The following CACNA2D3 variants were observed in gnomAD, a reference collection of about 807,000 sequenced individuals.
CACNA2D3 encodes calcium voltage-gated channel auxiliary subunit alpha2delta 3.
Under a neutral mutation model 160.6 loss-of-function variants are expected in CACNA2D3, and 60 were observed. The observed-to-expected ratio is 0.37, with a 90% confidence interval of 0.30 to 0.46. The LOEUF (loss-of-function observed/expected upper bound fraction) is 0.46. Ranked by LOEUF, CACNA2D3 falls within the 20% of genes least tolerant of loss-of-function variation. The pLI is 1.00. For missense variants in CACNA2D3, 1,205 were observed against 1,365.0 expected (o/e 0.88, Z 1.85); for synonymous variants, 558 against 492.9 (o/e 1.13, Z -1.75).
chr3:54,687,474 A>T (rs983424334), intron 11 of CACNA2D3, among the ~76,000 whole-genome samples: 8 of 151,686 alleles, frequency 5.3e-5, no homozygotes, highest in Non-Finnish European at 1.0e-4. Context: ...CTTGGGACAA[A>T]TTTTTCTAAG....
intron 35 of CACNA2D3, 81 bp from the exon 36 acceptor site, chr3:55,073,364 C>T: frequency 9.9e-7 from 1 of 1,005,842 alleles, no homozygotes. Context: ...GTAGTTGCTA[C>T]CACCCAGGAG....
chr3:54,325,735 G>A (rs998884494), intron 3 of CACNA2D3, among the ~76,000 whole-genome samples: 10 of 152,178 alleles, frequency 6.6e-5, no homozygotes, highest in Admixed American at 3.9e-4. Context: ...TTTGGGGAAT[G>A]TGAAGAGATA....
chr3:54,122,719 C>T lies in CACNA2D3; in HGVS notation c.6C>T (p.Ala2=). 2 of 1,194,512 alleles carry T rather than the reference C, an allele frequency of 1.7e-6. No individual in the cohort carries two copies. The highest frequency in any genetic ancestry group is 1.0e-6 in the Non-Finnish European group (1 of 963,896). 74.0% of individuals were successfully genotyped at this position (1,194,512 alleles called of 1,614,324 possible). A position where few individuals can be genotyped will look rare whatever the true frequency, so the allele number is the denominator to read the frequency against. The part of the protein sequence containing the change: M[A]GPGSPRRASR... The stretch of plus-strand genomic sequence containing the variant: ...CGCGTCGGAGGGAGCCCAGCATGGC[C>T]GGGCCGGGCTCGCCGCGCCGCGCGT... The change falls in exon 1 of 38, where the codon GCC becomes GCT. Residue 2 remains alanine (A), a synonymous_variant. Transcript: ENST00000474759.
intron 2 of CACNA2D3, among the ~76,000 whole-genome samples, chr3:54,215,617 C>A (rs748772752): frequency 1.3e-5 from 2 of 152,028 alleles, no homozygotes; most frequent in South Asian, 2.1e-4. Context: ...AAGTGAACGG[C>A]GATGTGAGGG....
At position 54,509,156 on chromosome 3, in the gene CACNA2D3, C is replaced by T. The variant is rs183353664; in HGVS notation, c.544+5502C>T. Among the ~76,000 whole-genome samples, 72 of 152,222 alleles carry T rather than the reference C, an allele frequency of 4.7e-4. 1 individual carries two copies. The highest frequency in any genetic ancestry group is 4.0e-3 in the Admixed American group (61 of 15,288). ...AAATTTAATCCATATGTTTCTGATT[C>T]GTTTACACGGAAATCATTAAAATAT... On this transcript the variant is annotated intron_variant, in intron 5 of 37. Transcript: ENST00000474759.
At chr3:54,489,075 G>T (rs1183272547) in intron 4 of CACNA2D3, among the ~76,000 whole-genome samples, 1 of 152,186 alleles carries the variant, frequency 6.6e-6, no homozygotes, top group Non-Finnish European at 1.5e-5. Context: ...GAGGCTGAAT[G>T]GAGGGAGCAG....
intron 3 of CACNA2D3, among the ~76,000 whole-genome samples, chr3:54,378,346 A>G (rs368742530): frequency 6.6e-5 from 10 of 152,310 alleles, no homozygotes; most frequent in South Asian, 4.1e-4. Context: ...TCATGCTCCT[A>G]TGAGAATCTA....
chr3:54,615,042 G>A (rs907366794), intron 9 of CACNA2D3, among the ~76,000 whole-genome samples: 3 of 152,112 alleles, frequency 2.0e-5, no homozygotes, highest in Non-Finnish European at 4.4e-5. Context: ...AGAAATGAAC[G>A]GCAGCTAACA....
At chr3:54,203,720 T>G (rs1559881118) in intron 2 of CACNA2D3, among the ~76,000 whole-genome samples, 1 of 151,982 alleles carries the variant, frequency 6.6e-6, no homozygotes, top group Non-Finnish European at 1.5e-5. Flanking sequence ...GGCCTGCCTG[T>G]GTGCTGGCAT....
intron 17 of CACNA2D3, among the ~76,000 whole-genome samples, chr3:54,851,695 A>C (rs923373470): frequency 3.9e-5 from 6 of 152,206 alleles, no homozygotes; most frequent in Non-Finnish European, 7.3e-5. Context: ...TGTAATTTCA[A>C]ATTTTCTAGG....
At chr3:54,728,685 G>C (rs564692554) in intron 11 of CACNA2D3, among the ~76,000 whole-genome samples, 1 of 152,120 alleles carries the variant, frequency 6.6e-6, no homozygotes, top group Admixed American at 6.5e-5. Context: ...ATCCTGTGGC[G>C]GGCAAATAGA....
chr3:55,052,980 T>A (rs1302830803), intron 35 of CACNA2D3, among the ~76,000 whole-genome samples: 1 of 152,112 alleles, frequency 6.6e-6, no homozygotes, highest in Admixed American at 6.5e-5. Flanking sequence ...TTTATTTTTT[T>A]TAAACAACTT....
intron 4 of CACNA2D3, among the ~76,000 whole-genome samples, chr3:54,467,760 G>A (rs1700655070): frequency 6.6e-6 from 1 of 152,142 alleles, no homozygotes; most frequent in Non-Finnish European, 1.5e-5. Context: ...GAGATTGGTT[G>A]ATAGGTACGA....
chr3:54,925,139 C>T (rs1700976189), intron 27 of CACNA2D3: 3 of 1,614,086 alleles, frequency 1.9e-6, no homozygotes, highest in Non-Finnish European at 1.7e-6. Flanking sequence ...TTGTAGATGA[C>T]TGACAGTAAC....
chr3:54,422,159 C>T (rs964977787), intron 4 of CACNA2D3, among the ~76,000 whole-genome samples: 5 of 152,224 alleles, frequency 3.3e-5, no homozygotes, highest in Non-Finnish European at 5.9e-5. Flanking sequence ...AACCTGGTAA[C>T]GATGATTGCC....
intron 35 of CACNA2D3, among the ~76,000 whole-genome samples, chr3:55,055,859 AAATG>A (rs1704347879): frequency 6.6e-6 from 1 of 152,124 alleles, no homozygotes; most frequent in Non-Finnish European, 1.5e-5. Context: ...TAGTGTACAG[AAATG>A]CTAAAAACTA....
intron 17 of CACNA2D3, among the ~76,000 whole-genome samples, chr3:54,867,245 T>G (rs377247872): frequency 2.0e-5 from 3 of 152,056 alleles, no homozygotes; most frequent in East Asian, 1.9e-4. Flanking sequence ...GTTGGACATA[T>G]GAGAATTTAG....
intron 11 of CACNA2D3, among the ~76,000 whole-genome samples, chr3:54,739,783 GT>G: frequency 7.3e-6 from 1 of 137,452 alleles, no homozygotes; most frequent in Non-Finnish European, 1.6e-5. Context: ...GTGTGTGTGT[GT>G]GTGTGTGTGT....
intron 11 of CACNA2D3, among the ~76,000 whole-genome samples, chr3:54,717,351 A>G (rs772673790): frequency 6.6e-6 from 1 of 152,228 alleles, no homozygotes; most frequent in Non-Finnish European, 1.5e-5. Context: ...CAGGAGTCGA[A>G]TTACCACCTC....
Sources: gnomAD v4.1 joint callset for allele counts (sites outside exome capture counted in the v4.1 genomes callset) on GRCh38, gnomAD v4.1.1 for gene constraint, MANE v1.5 for transcripts, NCBI Gene and HGNC (gene_info 2026-07-23, HGNC 2026-07-21) for gene names.